KCNIP4: variants seen among roughly 807,000 people sequenced by gnomAD.
KCNIP4 encodes Kv channel-interacting protein 4.
In KCNIP4, 12 loss-of-function variants were observed where a neutral mutation model predicts 34.0. The observed-to-expected ratio is 0.35, with a 90% CI of 0.23 to 0.57. The LOEUF (loss-of-function observed/expected upper bound fraction) is 0.57. KCNIP4 is among the 20% of genes least tolerant of loss of function. KCNIP4 has a pLI of 0.83. For missense variants in KCNIP4, 238 were observed against 311.7 expected (o/e 0.76, Z 1.78); for synonymous variants, 124 against 102.2 (o/e 1.21, Z -1.29).
intron 1 of KCNIP4, among the ~76,000 whole-genome samples, chr4:20,940,531 A>G (rs1731535305): frequency 6.6e-6 from 1 of 152,216 alleles, no homozygotes; most frequent in East Asian, 1.9e-4. Context: ...GATGAAATTC[A>G]TGGGATATTT....
intron 1 of KCNIP4, among the ~76,000 whole-genome samples, chr4:21,485,131 C>T (rs1287528604): frequency 1.3e-5 from 2 of 152,192 alleles, no homozygotes; most frequent in Non-Finnish European, 2.9e-5. Context: ...AAAATCTTTA[C>T]ACTTATCCTA....
chr4:21,076,725 T>C (rs1021254843), intron 1 of KCNIP4, among the ~76,000 whole-genome samples: 1 of 152,180 alleles, frequency 6.6e-6, no homozygotes, highest in African/African-American at 2.4e-5. Flanking sequence ...GTTGATGGTG[T>C]GAGCAGTAGT....
intron 1 of KCNIP4, among the ~76,000 whole-genome samples, chr4:21,274,054 C>A (rs971182487): frequency 6.6e-6 from 1 of 152,092 alleles, no homozygotes; most frequent in South Asian, 2.1e-4. Flanking sequence ...GCTTGCAGGT[C>A]TCATATGACC....
chr4:21,113,477 AAAAG>A (rs1458389518), intron 1 of KCNIP4, among the ~76,000 whole-genome samples: 11,889 of 144,156 alleles, frequency 0.082, 468 homozygotes, highest in African/African-American at 0.15. Context: ...AAAAAAAAAA[AAAAG>A]GAAAGCTATA....
chr4:21,571,074 T>A (rs2109052172), intron 1 of KCNIP4, among the ~76,000 whole-genome samples: 1 of 152,270 alleles, frequency 6.6e-6, no homozygotes, highest in East Asian at 1.9e-4. Flanking sequence ...ATCCATGAGG[T>A]CACCTCAAGA....
intron 1 of KCNIP4, among the ~76,000 whole-genome samples, chr4:21,086,609 T>C (rs1047335372): frequency 4.6e-5 from 7 of 152,134 alleles, no homozygotes; most frequent in African/African-American, 1.7e-4. Flanking sequence ...ACTTTACATA[T>C]AACATGACTC....
intron 1 of KCNIP4, among the ~76,000 whole-genome samples, chr4:21,399,667 T>A (rs1183773652): frequency 2.0e-5 from 3 of 152,098 alleles, no homozygotes; most frequent in Admixed American, 6.5e-5. Context: ...AACTTTTTTT[T>A]TTTTTTTGAG....
At chr4:21,244,029 G>A (rs1760029100) in intron 1 of KCNIP4, among the ~76,000 whole-genome samples, 1 of 152,148 alleles carries the variant, frequency 6.6e-6, no homozygotes, top group African/African-American at 2.4e-5. Flanking sequence ...TGCTGAAATG[G>A]CTTTCCATAG....
chr4:20,991,327 G>A (rs547316689), intron 1 of KCNIP4, among the ~76,000 whole-genome samples: 1 of 152,204 alleles, frequency 6.6e-6, no homozygotes, highest in South Asian at 2.1e-4. Flanking sequence ...GTTCTTTCCT[G>A]GGAACAAGGT....
At chr4:21,258,700 T>C (rs547906081) in intron 1 of KCNIP4, among the ~76,000 whole-genome samples, 1 of 152,174 alleles carries the variant, frequency 6.6e-6, no homozygotes, top group Non-Finnish European at 1.5e-5. Flanking sequence ...AAACTGGTGA[T>C]GCTGAGACTG....
At chr4:21,484,519 G>A (rs1433038223) in intron 1 of KCNIP4, among the ~76,000 whole-genome samples, 2 of 152,256 alleles carry the variant, frequency 1.3e-5, no homozygotes, top group African/African-American at 2.4e-5. Context: ...AAAATAATAT[G>A]CAGAAGTGTC....
At chr4:21,701,621 C>T (rs1404166392) in intron 1 of KCNIP4, among the ~76,000 whole-genome samples, 1 of 152,064 alleles carries the variant, frequency 6.6e-6, no homozygotes, top group Non-Finnish European at 1.5e-5. Flanking sequence ...AAAAGATCTG[C>T]TTTAGATATA....
intron 3 of KCNIP4, among the ~76,000 whole-genome samples, chr4:20,821,213 G>A (rs1391847658): frequency 6.6e-6 from 1 of 152,206 alleles, no homozygotes; most frequent in African/African-American, 2.4e-5. Context: ...AGTCAAAGAA[G>A]ATTATTATCA....
intron 1 of KCNIP4, among the ~76,000 whole-genome samples, chr4:21,547,501 C>T (rs1738238581): frequency 6.6e-6 from 1 of 151,840 alleles, no homozygotes; most frequent in African/African-American, 2.4e-5. Flanking sequence ...TAATATTGCT[C>T]ACAATGAAAT....
intron 1 of KCNIP4, among the ~76,000 whole-genome samples, chr4:20,994,586 A>C (rs1265725989): frequency 6.6e-6 from 1 of 152,240 alleles, no homozygotes; most frequent in Admixed American, 6.5e-5. Flanking sequence ...CTTTCATTTT[A>C]GGTGCAAGCC....
At chr4:21,577,358 T>A (rs1038548833) in intron 1 of KCNIP4, among the ~76,000 whole-genome samples, 2 of 152,132 alleles carry the variant, frequency 1.3e-5, no homozygotes, top group Non-Finnish European at 2.9e-5. Context: ...AGCTGCGCAC[T>A]GTGGCTCACC....
chr4:21,155,955 G>A (rs551042141), intron 1 of KCNIP4, among the ~76,000 whole-genome samples: 18 of 152,056 alleles, frequency 1.2e-4, no homozygotes, highest in African/African-American at 4.3e-4. Flanking sequence ...TTCAACCCTC[G>A]AAAAATTGTC....
chr4:21,038,121 G>A (rs1237500206), intron 1 of KCNIP4, among the ~76,000 whole-genome samples: 1 of 152,170 alleles, frequency 6.6e-6, no homozygotes, highest in Non-Finnish European at 1.5e-5. Flanking sequence ...GGGATTACAG[G>A]CATGTGCCAC....
Position 21,556,920 on chromosome 4 carries a change from C to CA in KCNIP4, c.61+391650dup, listed in dbSNP as rs1281543089. 2.7e-3 allele frequency among the ~76,000 whole-genome samples: 95 copies of CA among 35,458 alleles called. 1 individual carries two copies. Among genetic ancestry groups the CA allele is most frequent in the African/African-American group, 6.5e-3 (62 of 9,600 alleles). 23.3% of individuals were successfully genotyped at this position (35,458 alleles called of 152,430 possible). ...TGATCAACAAAGCAAGACTCCATCT[C>CA]AGAAAAAAAAAAAAAAAAAAAAACC... On this transcript the variant is annotated intron_variant, in intron 1 of 8. Coordinates refer to ENST00000382152, the MANE Select transcript of KCNIP4 (RefSeq NM_025221.6).
Sources: allele counts gnomAD v4.1 joint callset (sites outside exome capture counted in the v4.1 genomes callset), GRCh38; gene constraint gnomAD v4.1.1; transcripts MANE v1.5; gene names NCBI Gene and HGNC (gene_info 2026-07-23, HGNC 2026-07-21).